The following CNPPD1 variants were observed in gnomAD, a reference collection of about 807,000 sequenced individuals.
CNPPD1 encodes the protein cyclin Pas1/PHO80 domain containing 1, also known as protein CNPPD1.
CNPPD1 carries 40 observed loss-of-function variants against 43.7 expected under a neutral mutation model. The ratio of observed to expected loss-of-function variants is 0.92; its 90% CI spans 0.71 to 1.19. The LOEUF (loss-of-function observed/expected upper bound fraction) is 1.19. Among genes scored for constraint, CNPPD1 ranks in the 50% most tolerant of loss-of-function variants. The pLI is 0.00. For synonymous variants in CNPPD1, 208 were observed against 214.3 expected (o/e 0.97, Z 0.26); for missense variants, 511 against 518.5 (o/e 0.99, Z 0.14).
At chr2:219,174,632 A>G in intron 5 of CNPPD1, 146 bp downstream of exon 5, 1 of 1,151,670 alleles carries the variant, frequency 8.7e-7, no homozygotes. Context: ...TACTGAAGAG[A>G]TAGGAAAGGA....
At chr2:219,174,389 T>A (rs1950125231) in intron 5 of CNPPD1, among the ~76,000 whole-genome samples, 182 bp from the exon 6 acceptor site, 1 of 152,160 alleles carries the variant, frequency 6.6e-6, no homozygotes, top group Non-Finnish European at 1.5e-5. Flanking sequence ...CCTGCCTGGT[T>A]TCACATTATA....
Position 219,174,760 on chromosome 2 carries a change from G to C in CNPPD1, c.510+18C>G, listed in dbSNP as rs370404660. On this transcript the variant is annotated intron_variant, in intron 5 of 7. Coordinates refer to ENST00000360507, the MANE Select transcript of CNPPD1 (RefSeq NM_015680.6). ...GATGGGCCAGGGAAACTGAGCAAGA[G>C]AGAGAACAGCTGCTCACCATGGCAC... The C allele has an allele frequency of 1.0e-4, 162 of 1,572,888 alleles. No individual in the cohort carries two copies. The highest frequency in any genetic ancestry group is 1.3e-4 in the Non-Finnish European group (155 of 1,158,106).
Position 219,173,043 on chromosome 2 carries a change from A to G in CNPPD1, c.776T>C (p.Leu259Pro), listed in dbSNP as rs376631674. The change falls in exon 8 of 8, where the codon CTG becomes CCG. Residue 259 changes from leucine (L) to proline (P), a missense_variant. Coordinates refer to ENST00000360507, the MANE Select transcript of CNPPD1 (RefSeq NM_015680.6). ...SVAVIHQSLG[L>P]SCIPTPGPPD... ...CGGCCCAGGTGTAGGGATGCAGGAC[A>G]GCCCCAAAGACTGATGTATTACGGC... The G allele has an allele frequency of 2.5e-6, 4 of 1,612,472 alleles. No individual in the cohort carries two copies. In the African/African-American group the frequency reaches 5.3e-5, roughly 22 times the overall value.
upstream of CNPPD1, chr2:219,178,040 T>G: frequency 2.9e-5 from 5 of 170,014 alleles, no homozygotes; most frequent in Admixed American, 6.3e-5. Context: ...CTGCCTACTG[T>G]GGGATAAGAA....
At chr2:219,173,177 C>T in intron 7 of CNPPD1, 49 bp from the exon 8 acceptor site, 1 of 1,509,894 alleles carries the variant, frequency 6.6e-7, no homozygotes, top group Non-Finnish European at 8.9e-7. Context: ...AACACATTCA[C>T]CCCTTGTCTC....
At position 219,172,499 on chromosome 2, in the gene CNPPD1, C is replaced by T. The variant is rs1039241723; in HGVS notation, c.*87G>A. ...GACAGGGGACCTGCCAAGGACCCAGCGAGGCAGACAGGATCTGAATCAAGC... is the reference window on the plus strand; with the variant it reads ...GACAGGGGACCTGCCAAGGACCCAGTGAGGCAGACAGGATCTGAATCAAGC... On this transcript the variant is annotated 3_prime_UTR_variant, in exon 8 of 8. Coordinates refer to ENST00000360507, the MANE Select transcript of CNPPD1 (RefSeq NM_015680.6). 21 of 1,433,456 alleles carry T rather than the reference C, an allele frequency of 1.5e-5. No individual in the cohort carries two copies. In the Admixed American group the frequency reaches 2.0e-4, roughly 14 times the overall value. The allele number at this position is 1,433,456 out of a possible 1,614,324, so 88.8% of individuals were successfully genotyped here. A position where few individuals can be genotyped will look rare whatever the true frequency, so the allele number is the denominator to read the frequency against.
chr2:219,172,771 G>T lies in CNPPD1; in HGVS notation c.1048C>A (p.His350Asn), dbSNP rs776447562. 2 of 1,608,692 alleles carry T rather than the reference G, an allele frequency of 1.2e-6. No individual in the cohort carries two copies. Among genetic ancestry groups the T allele is most frequent in the South Asian group, 2.2e-5 (2 of 90,450 alleles). The change falls in exon 8 of 8, where the codon CAT (histidine) becomes AAT (asparagine). Residue 350 changes from histidine (H) to asparagine (N), a missense_variant. Coordinates refer to ENST00000360507, the MANE Select transcript of CNPPD1 (RefSeq NM_015680.6). ...GTACGGTTGGGGTGGAGGCAGGCAT[G>T]GCAGGTTGGGGAGTCTCTCTGGAGC... The part of the protein sequence containing the change: ...QKLQRDSPTC[H>N]ACLHPNRTVP...
chr2:219,175,700 G>A, intron 2 of CNPPD1, 28 bp from the exon 3 acceptor site: 1 of 1,602,840 alleles, frequency 6.2e-7, no homozygotes. Flanking sequence ...AAGGCCGAGT[G>A]AGCAAACAAG....
At chr2:219,176,651 C>A in intron 1 of CNPPD1, 109 bp downstream of exon 1, 3 of 885,118 alleles carry the variant, frequency 3.4e-6, no homozygotes, top group Admixed American at 5.1e-5. Context: ...AAGCACTGCT[C>A]GAGCAGCTGC....
chr2:219,175,324 C>G (rs1463719894), intron 3 of CNPPD1, among the ~76,000 whole-genome samples: 1 of 152,044 alleles, frequency 6.6e-6, no homozygotes, highest in Non-Finnish European at 1.5e-5. Flanking sequence ...TGGTGAAACC[C>G]CGTCTTTACT....
chr2:219,176,837 C>G lies in CNPPD1; in HGVS notation c.-9G>C, dbSNP rs1353798239. 11 of 1,567,572 alleles carry G rather than the reference C, an allele frequency of 7.0e-6. No individual in the cohort carries two copies. Among genetic ancestry groups the G allele is most frequent in the Non-Finnish European group, 9.5e-6 (11 of 1,156,664 alleles). On this transcript the variant is annotated 5_prime_UTR_variant, in exon 1 of 8. Transcript: ENST00000360507. ...AGCCCGGTCAGGTCCATCGCGCCGC[C>G]AGTCGCCGCCCTGCGAAGGTGAACG...
rs753919640 is a variant in CNPPD1 at position 219,174,852 on chromosome 2, CGTT to C, written c.433_435del (p.Asn145del). The C allele has an allele frequency of 2.2e-5, 36 of 1,614,066 alleles. No individual in the cohort carries two copies. Among genetic ancestry groups the C allele is most frequent in the Non-Finnish European group, 2.7e-5 (32 of 1,180,036 alleles). On this transcript the variant is annotated inframe_deletion, in exon 5 of 8. Coordinates refer to ENST00000360507, the MANE Select transcript of CNPPD1 (RefSeq NM_015680.6). ...ACACCCCCAGCAGCTCCCCATTCGT[CGTT>C]GAAGACCTCCTCCTCCTCCCCTTCA... is the stretch of plus-strand genomic sequence containing the variant.
At chr2:219,176,979 C>T (rs910361404), upstream of CNPPD1, 11 of 625,896 alleles carry the variant, frequency 1.8e-5, no homozygotes, top group East Asian at 1.3e-4. Context: ...CTCCCTCCCC[C>T]CGGCGGCGGA....
intron 5 of CNPPD1, 90 bp from the exon 6 acceptor site, chr2:219,174,297 CT>C: frequency 7.7e-7 from 1 of 1,299,324 alleles, no homozygotes; most frequent in South Asian, 1.2e-5. Context: ...ACAACCGCCC[CT>C]ATGGCTAATG....
Position 219,172,608 on chromosome 2 carries a change from T to G in CNPPD1, c.1211A>C (p.Lys404Thr), listed in dbSNP as rs1239881561. The G allele has an allele frequency of 3.1e-6, 5 of 1,614,048 alleles. No homozygotes were observed. Among genetic ancestry groups the G allele is most frequent in the Non-Finnish European group, 4.2e-6 (5 of 1,180,042 alleles). Residue 404 changes from lysine to threonine, a missense_variant, in exon 8 of 8, where the codon AAG becomes ACG. Lys to Thr is a moderately conservative substitution (Grantham distance 78). Coordinates refer to ENST00000360507, the MANE Select transcript of CNPPD1 (RefSeq NM_015680.6). Reference sequence around the variant, plus strand: ...TACCTAGCCTGGGAAAACGAAAGACTTGAGGCGAGCCAGCTCCATGACACT... The same window carrying G: ...TACCTAGCCTGGGAAAACGAAAGACGTGAGGCGAGCCAGCTCCATGACACT... ...LFSVMELARL[K>T]SFVFPG is the part of the protein sequence containing the mutation.
Position 219,172,835 on chromosome 2 carries a change from G to A in CNPPD1, c.984C>T (p.Ala328=), listed in dbSNP as rs17849474. Residue 328 remains alanine (A), a synonymous_variant, in exon 8 of 8, where the codon GCC becomes GCT. Coordinates refer to ENST00000360507, the MANE Select transcript of CNPPD1 (RefSeq NM_015680.6). ...GGCAGTTATGAAGAAGAGTGGGAGG[G>A]GCAGGGGGGTCTGGGGGAGGCAATG... ...PPPLPPPDPP[A]PPTLLHNCHL... The A allele has an allele frequency of 0.019, 30,062 of 1,590,674 alleles. 341 individuals carry two copies. Among genetic ancestry groups the A allele is most frequent in the Non-Finnish European group, 0.021 (25,047 of 1,168,116 alleles).
In CNPPD1 at chr2:219,176,344, A is replaced by G. The variant is rs143879639; in HGVS notation, c.70-13T>C. 1,044 of 1,590,194 alleles carry G rather than the reference A, an allele frequency of 6.6e-4. 7 individuals carry two copies. The African/African-American group carries it at 0.012, about 19-fold the overall frequency. ...GTCCTGGGAGGAACTGAAACAGGGC[A>G]GGGGCAGCGGAGGGTGAAGGGCACG... is the stretch of plus-strand genomic sequence containing the variant. On this transcript the variant is annotated splice_polypyrimidine_tract_variant and intron_variant, in intron 1 of 7. Transcript: ENST00000360507.
upstream of CNPPD1, chr2:219,176,951 T>A: frequency 1.4e-6 from 1 of 723,318 alleles, no homozygotes; most frequent in Non-Finnish European, 2.2e-6. Flanking sequence ...GCCGCCGTCC[T>A]CGCCCTCGCC....
At position 219,172,807 on chromosome 2, in the gene CNPPD1, G is replaced by C; in HGVS notation, c.1012C>G (p.Leu338Val). ...GAGTCTCTCTGGAGCTTCTGGCAAA[G>C]GTGGCAGTTATGAAGAAGAGTGGGA... ...APPTLLHNCH[L>V]CQKLQRDSPT... is the part of the protein sequence containing the mutation. The change falls in exon 8 of 8, where the codon CTT becomes GTT. Residue 338 changes from leucine (L) to valine (V), a missense_variant. Physicochemically the swap from Leu to Val is conservative, Grantham distance 32 (BLOSUM62 1). Transcript: ENST00000360507. 6.3e-7 allele frequency: 1 copy of C among 1,599,024 alleles called. No individual in the cohort carries two copies. The highest frequency in any genetic ancestry group is 8.5e-7 in the Non-Finnish European group (1 of 1,172,922).
Sources: gnomAD v4.1 joint callset for allele counts (sites outside exome capture counted in the v4.1 genomes callset) on GRCh38, gnomAD v4.1.1 for gene constraint, MANE v1.5 for transcripts, NCBI Gene and HGNC (gene_info 2026-07-23, HGNC 2026-07-21) for gene names.